Variants in NR6A1 observed in about 807,000 individuals in gnomAD.
NR6A1 encodes the protein retinoic acid receptor-related testis-associated receptor.
NR6A1 carries 7 observed loss-of-function variants against 59.1 expected under a neutral mutation model. The ratio of observed to expected loss-of-function variants is 0.12; its 90% CI spans 0.07 to 0.22. NR6A1 has a LOEUF of 0.22. Ranked by LOEUF, NR6A1 falls within the 10% of genes least tolerant of loss-of-function variation. NR6A1 has a pLI of 1.00. For missense variants in NR6A1, 468 were observed against 611.6 expected (o/e 0.77, Z 2.48); for synonymous variants, 243 against 236.1 (o/e 1.03, Z -0.27).
intron 2 of NR6A1, among the ~76,000 whole-genome samples, chr9:124,562,723 C>T (rs1010577102): frequency 6.6e-6 from 1 of 151,994 alleles, no homozygotes; most frequent in Non-Finnish European, 1.5e-5. Context: ...TCTCTGTGGA[C>T]ACATATTTTC....
chr9:124,687,086 G>T (rs920815442), intron 2 of NR6A1, among the ~76,000 whole-genome samples: 2 of 151,630 alleles, frequency 1.3e-5, no homozygotes, highest in Non-Finnish European at 2.9e-5. Context: ...TGCTATCTCA[G>T]TTACTTGGCC....
chr9:124,613,518 A>G (rs1260374958), intron 2 of NR6A1, among the ~76,000 whole-genome samples: 1 of 151,862 alleles, frequency 6.6e-6, no homozygotes, highest in African/African-American at 2.4e-5. Flanking sequence ...AAAATTAGCC[A>G]GGCATGGTGC....
intron 2 of NR6A1, among the ~76,000 whole-genome samples, chr9:124,605,209 A>C (rs1459730238): frequency 2.0e-5 from 3 of 152,222 alleles, no homozygotes; most frequent in Non-Finnish European, 4.4e-5. Context: ...CTACATTACA[A>C]GGATGTAATC....
At chr9:124,681,338 CT>C (rs779847656) in intron 2 of NR6A1, among the ~76,000 whole-genome samples, 2,295 of 110,752 alleles carry the variant, frequency 0.021, 18 homozygotes, top group African/African-American at 0.067. Context: ...AACATTTGAG[CT>C]TTTTTTTTTT....
chr9:124,744,699 G>C (rs1840274896), intron 1 of NR6A1, among the ~76,000 whole-genome samples: 1 of 152,220 alleles, frequency 6.6e-6, no homozygotes, highest in Non-Finnish European at 1.5e-5. Flanking sequence ...AGCAGCTACT[G>C]AGGGAAGTGA....
At chr9:124,666,724 G>A (rs1837632960) in intron 2 of NR6A1, among the ~76,000 whole-genome samples, 1 of 152,172 alleles carries the variant, frequency 6.6e-6, no homozygotes, top group Non-Finnish European at 1.5e-5. Context: ...TCTGTTGACA[G>A]CTTAGTATAT....
chr9:124,759,123 C>G (rs530927454), intron 1 of NR6A1, among the ~76,000 whole-genome samples: 2 of 152,270 alleles, frequency 1.3e-5, no homozygotes, highest in South Asian at 4.1e-4. Context: ...CACTGCCTAT[C>G]CTCTTTTACA....
chr9:124,591,305 G>T (rs759675874), intron 2 of NR6A1, among the ~76,000 whole-genome samples: 1 of 152,096 alleles, frequency 6.6e-6, no homozygotes, highest in Non-Finnish European at 1.5e-5. Context: ...TTCCCATAGC[G>T]GTCCTGTGAG....
intron 2 of NR6A1, among the ~76,000 whole-genome samples, chr9:124,567,958 G>A (rs538657467): frequency 2.1e-5 from 3 of 145,542 alleles, no homozygotes; most frequent in African/African-American, 5.1e-5. Context: ...GGTGGATCAC[G>A]AGGTCAAGAG....
intron 2 of NR6A1, among the ~76,000 whole-genome samples, chr9:124,577,792 C>T (rs1259175693): frequency 1.3e-5 from 2 of 152,136 alleles, no homozygotes; most frequent in Non-Finnish European, 2.9e-5. Flanking sequence ...TGATCATCAT[C>T]AGTGTTTAAG....
intron 9 of NR6A1, 41 bp downstream of exon 9, chr9:124,524,680 G>A (rs1832882112): frequency 1.2e-6 from 2 of 1,602,514 alleles, no homozygotes; most frequent in African/African-American, 1.3e-5. Flanking sequence ...CAAGCTAAGA[G>A]AAGCAAGGAA....
chr9:124,536,618 T>C (rs1833274701), intron 6 of NR6A1, among the ~76,000 whole-genome samples: 1 of 151,754 alleles, frequency 6.6e-6, no homozygotes, highest in Non-Finnish European at 1.5e-5. Context: ...TGAGCTGAGA[T>C]TGCGCTAATG....
rs150435818 is a variant in NR6A1, at chr9:124,651,893, G to C, written c.142+81415C>G. Among the ~76,000 whole-genome samples, 136 of 152,226 alleles carry C rather than the reference G, an allele frequency of 8.9e-4. No individual in the cohort carries two copies. The Middle Eastern group carries it at 0.01, about 11-fold the overall frequency. On this transcript the variant is annotated intron_variant, in intron 2 of 9. Transcript: ENST00000487099. ...TTGATCCTCTTCCCAAGTAGACATT[G>C]GCACCTGACCATTTCTGCCTCTCCC...
intron 1 of NR6A1, among the ~76,000 whole-genome samples, chr9:124,746,213 T>C (rs1840330338): frequency 1.3e-5 from 2 of 152,198 alleles, no homozygotes; most frequent in African/African-American, 4.8e-5. Context: ...AGAAATCCAT[T>C]GTGTGGCAAC....
intron 2 of NR6A1, among the ~76,000 whole-genome samples, chr9:124,700,513 G>A (rs779558243): frequency 6.6e-6 from 1 of 151,214 alleles, no homozygotes; most frequent in African/African-American, 2.4e-5. Flanking sequence ...GAGCCACCAC[G>A]CCCAGTGAAG....
At chr9:124,524,030 T>C (rs1395073207) in intron 9 of NR6A1, among the ~76,000 whole-genome samples, 1 of 152,030 alleles carries the variant, frequency 6.6e-6, no homozygotes, top group East Asian at 1.9e-4. Context: ...TCAGAAGGGG[T>C]CAAGACCACA....
chr9:124,657,299 T>C (rs75994102), intron 2 of NR6A1, among the ~76,000 whole-genome samples: 1 of 151,930 alleles, frequency 6.6e-6, no homozygotes, highest in South Asian at 2.1e-4. Flanking sequence ...AACCCAAAAT[T>C]TACAGCAAAA....
intron 1 of NR6A1, 66 bp downstream of exon 1, chr9:124,770,954 G>GA (rs1321302460): frequency 2.2e-6 from 2 of 911,962 alleles, no homozygotes; most frequent in African/African-American, 3.4e-5. Context: ...AGAGGAGGGG[G>GA]ATCCCTGGCG....
At chr9:124,553,549 C>CTTTTTTTTTGTT (rs1833840394) in intron 3 of NR6A1, among the ~76,000 whole-genome samples, 1 of 47,324 alleles carries the variant, frequency 2.1e-5, no homozygotes, top group Non-Finnish European at 4.0e-5. Flanking sequence ...TTTAGCTTGA[C>CTTTTTTTTTGTT]TTTTTTTTTT....
Sources: allele counts gnomAD v4.1 joint callset (sites outside exome capture counted in the v4.1 genomes callset), GRCh38; gene constraint gnomAD v4.1.1; transcripts MANE v1.5; gene names NCBI Gene and HGNC (gene_info 2026-07-23, HGNC 2026-07-21).